The following AKAP8 variants were observed in gnomAD, a reference collection of about 807,000 sequenced individuals.
AKAP8 encodes A-kinase anchor protein 8.
AKAP8 carries 24 observed loss-of-function variants against 67.5 expected under a neutral mutation model. The ratio of observed to expected loss-of-function variants is 0.36; its 90% CI spans 0.26 to 0.50. The LOEUF is 0.50. Ranked by LOEUF, AKAP8 falls within the 20% of genes least tolerant of loss-of-function variation. AKAP8 has a pLI of 0.97. For missense variants in AKAP8, 971 were observed against 955.9 expected (o/e 1.02, Z -0.21); for synonymous variants, 400 against 371.1 (o/e 1.08, Z -0.90).
intron 12 of AKAP8, among the ~76,000 whole-genome samples, chr19:15,360,293 G>A (rs947037487): frequency 2.6e-5 from 4 of 152,316 alleles, no homozygotes; most frequent in African/African-American, 9.6e-5. Context: ...AAAGTGACAG[G>A]CTGCAGAGCA....
At chr19:15,377,395 A>G (rs2017458849) in intron 1 of AKAP8, among the ~76,000 whole-genome samples, 1 of 152,248 alleles carries the variant, frequency 6.6e-6, no homozygotes, top group Non-Finnish European at 1.5e-5. Context: ...GAGTGCCATC[A>G]CAAGTACTTC....
chr19:15,363,616 G>A (rs1967017829), intron 9 of AKAP8, among the ~76,000 whole-genome samples: 1 of 151,620 alleles, frequency 6.6e-6, no homozygotes, highest in South Asian at 2.1e-4. Context: ...ACTGGGAAGT[G>A]AGGAGCCCCT....
intron 13 of AKAP8, among the ~76,000 whole-genome samples, chr19:15,357,355 G>A (rs1389624828): frequency 1.5e-5 from 2 of 134,732 alleles, no homozygotes; most frequent in African/African-American, 5.6e-5. Context: ...CATGAACCCA[G>A]GACACAGAGC....
At position 15,354,516 on chromosome 19, in the gene AKAP8, G is replaced by T; in HGVS notation, c.*399C>A. 4.9e-6 allele frequency: 1 copy of T among 202,936 alleles called. No homozygotes were observed. The highest frequency in any genetic ancestry group is 1.0e-5 in the Non-Finnish European group (1 of 99,056). 12.6% of individuals were successfully genotyped at this position (202,936 alleles called of 1,614,324 possible). ...CAAAAAAAAATCCTCTATAGAGCAA[G>T]ATATATTCCTAGTATTCAGCTGTTC... On this transcript the variant is annotated 3_prime_UTR_variant, in exon 14 of 14. Transcript: ENST00000269701.
intron 7 of AKAP8, among the ~76,000 whole-genome samples, chr19:15,371,162 G>A (rs1220664538): frequency 6.6e-6 from 1 of 152,122 alleles, no homozygotes; most frequent in Non-Finnish European, 1.5e-5. Flanking sequence ...AAGGACTTGG[G>A]GAAGGCCCTC....
At position 15,374,044 on chromosome 19, in the gene AKAP8, T is replaced by C. The variant is rs768609581; in HGVS notation, c.113A>G (p.Tyr38Cys). ...SWQGYENYNY[Y>C]GAQNTSVTTG... ...GGTGACACTGGTGTTCTGGGCGCCATAGTAATTGTAGTTTTCATAACCTGT... is the reference window on the plus strand; with the variant it reads ...GGTGACACTGGTGTTCTGGGCGCCACAGTAATTGTAGTTTTCATAACCTGT... Residue 38 changes from tyrosine to cysteine, a missense_variant, in exon 4 of 14, where the codon TAT becomes TGT. This residue lies in a region of AKAP8 where 763 missense variants were observed against 745.4 expected (regional missense o/e 1.02). Coordinates refer to ENST00000269701, the MANE Select transcript of AKAP8 (RefSeq NM_005858.4). 7.7e-6 allele frequency: 12 copies of C among 1,568,236 alleles called. No homozygotes were observed. The East Asian group carries it at 9.0e-5, about 12-fold the overall frequency.
Position 15,362,123 on chromosome 19 carries a change from A to G in AKAP8, c.1289T>C (p.Val430Ala). 1 of 1,614,040 alleles carries G rather than the reference A, an allele frequency of 6.2e-7. No homozygotes were observed. Among genetic ancestry groups the G allele is most frequent in the Non-Finnish European group, 8.5e-7 (1 of 1,179,934 alleles). Residue 430 changes from valine (V) to alanine (A), a missense_variant, in exon 10 of 14, where the codon GTG becomes GCG. Val to Ala is a moderately conservative substitution (Grantham distance 64, BLOSUM62 0). Around this residue, in one of 3 missense-constraint regions of AKAP8, gnomAD observed 763 missense variants for 745.4 expected, o/e 1.02. Transcript: ENST00000269701. ...GGTTTCCTTTACCTGGAGGAACTCC[A>G]CGGTCTTGTCGGGCAGCTTGGTGCT... is the stretch of plus-strand genomic sequence containing the variant. ...FISTKLPDKT[V>A]EFLQEYIVNR...
chr19:15,368,791 C>T (rs35341587), intron 8 of AKAP8: 11 of 985,216 alleles, frequency 1.1e-5, no homozygotes, highest in East Asian at 1.1e-4. Context: ...AGCGTCCTGG[C>T]GGCCCCGTCT....
At chr19:15,368,192 A>G (rs758420917) in intron 9 of AKAP8, 43 bp downstream of exon 9, 1 of 1,605,804 alleles carries the variant, frequency 6.2e-7, no homozygotes, top group African/African-American at 1.3e-5. Context: ...CCTCCACCGC[A>G]CGAGTCCACC....
At position 15,353,963 on chromosome 19, in the gene AKAP8, T is replaced by C. The variant is rs955813982; in HGVS notation, c.*952A>G. 4 of 151,934 alleles carry C rather than the reference T, an allele frequency of 2.6e-5. No homozygotes were observed. Among genetic ancestry groups the C allele is most frequent in the African/African-American group, 9.7e-5 (4 of 41,402 alleles). The allele number at this position is 151,934 out of a possible 1,614,324, so 9.4% of individuals were successfully genotyped here. On this transcript the variant is annotated 3_prime_UTR_variant, in exon 14 of 14. Coordinates refer to ENST00000269701, the MANE Select transcript of AKAP8 (RefSeq NM_005858.4). ...ATATATATATTACAGATACCTTCTA[T>C]CTATGGCAATTTATGTTGGATTATT...
In AKAP8 at chr19:15,369,947, A is replaced by C. The variant is rs562968176; in HGVS notation, c.1072+199T>G. 6.6e-6 allele frequency among the ~76,000 whole-genome samples: 1 copy of C among 152,226 alleles called. No individual in the cohort carries two copies. Among genetic ancestry groups the C allele is most frequent in the African/African-American group, 2.4e-5 (1 of 41,540 alleles). ...GGGTCAGGCAGACAGACCCGTTTCC[A>C]GTAAATGCTGCCCCAGACACTTTGA... On this transcript the variant is annotated intron_variant, in intron 8 of 13. Transcript: ENST00000269701. The surrounding 1 kb of genome is among the most constrained non-coding windows in gnomAD (Gnocchi z 4.6).
At chr19:15,371,730 C>T (rs1183213466) in intron 7 of AKAP8, among the ~76,000 whole-genome samples, 1 of 152,050 alleles carries the variant, frequency 6.6e-6, no homozygotes, top group African/African-American at 2.4e-5. Context: ...CTCAAGTGAT[C>T]CACCCACCTG....
At chr19:15,377,277 G>A (rs571261869) in intron 1 of AKAP8, among the ~76,000 whole-genome samples, 1 of 152,276 alleles carries the variant, frequency 6.6e-6, no homozygotes, top group South Asian at 2.1e-4. Context: ...CCTTGGCCAA[G>A]GACCTCACCT....
In AKAP8 at chr19:15,372,246, A is replaced by T. The variant is rs573893470; in HGVS notation, c.963T>A (p.Val321=). 470 of 1,614,186 alleles carry T rather than the reference A, an allele frequency of 2.9e-4. 2 individuals carry two copies. In the South Asian group the frequency reaches 4.4e-3, roughly 15 times the overall value. Residue 321 remains valine, a synonymous_variant, in exon 6 of 14, where the codon GTT becomes GTA. Coordinates refer to ENST00000269701, the MANE Select transcript of AKAP8 (RefSeq NM_005858.4). The stretch of plus-strand genomic sequence containing the variant: ...TTTCGGAGAAATCTCCTTCACTGTC[A>T]ACCCGGGCCAGTTTGGTGTCTGGCT... ...YEEPDTKLAR[V]DSEGDFSEND...
At chr19:15,358,174 A>T (rs1429120304) in intron 13 of AKAP8, among the ~76,000 whole-genome samples, 6 of 152,134 alleles carry the variant, frequency 3.9e-5, no homozygotes, top group Admixed American at 3.3e-4. Context: ...CACAAGGAAG[A>T]ACTGGGAGCT....
chr19:15,379,462 C>T, intron 1 of AKAP8: 1 of 460,972 alleles, frequency 2.2e-6, no homozygotes, highest in Non-Finnish European at 3.8e-6. Flanking sequence ...AAGCCCACCG[C>T]GGCGTCTGCC....
intron 12 of AKAP8, among the ~76,000 whole-genome samples, chr19:15,360,191 A>G (rs977565469): frequency 1.3e-5 from 2 of 152,080 alleles, no homozygotes; most frequent in South Asian, 2.1e-4. Context: ...AACCAAAACC[A>G]AAACACAGTA....
At position 15,369,186 on chromosome 19, in the gene AKAP8, C is replaced by A. The variant is rs1967115108; in HGVS notation, c.1073-864G>T. 1.0e-6 allele frequency: 1 copy of A among 985,406 alleles called. No individual in the cohort carries two copies. 61.0% of individuals were successfully genotyped at this position (985,406 alleles called of 1,614,324 possible). ...AGGTCACTGCCTGAAACTATGACTG[C>A]TGTTTAATAGCAAAGTCATCCCGGG... On this transcript the variant is annotated intron_variant, in intron 8 of 13. Transcript: ENST00000269701. The surrounding 1 kb of genome is among the most constrained non-coding windows in gnomAD (Gnocchi z 4.6).
intron 9 of AKAP8, 47 bp downstream of exon 9, chr19:15,368,188 C>G (rs764902361): frequency 6.2e-7 from 1 of 1,604,112 alleles, no homozygotes; most frequent in South Asian, 1.1e-5. Flanking sequence ...AGCGCCTCCA[C>G]CGCACGAGTC....
Sources: allele counts gnomAD v4.1 joint callset (sites outside exome capture counted in the v4.1 genomes callset), GRCh38; gene constraint gnomAD v4.1.1; regional missense constraint gnomAD v4.1.1; non-coding constraint Gnocchi (gnomAD v3.1); transcripts MANE v1.5; gene names NCBI Gene and HGNC (gene_info 2026-07-23, HGNC 2026-07-21).